Variants in ATF7IP2 observed in about 807,000 individuals in gnomAD.
The protein encoded by ATF7IP2 is activating transcription factor 7 interacting protein 2.
ATF7IP2 carries 42 observed loss-of-function variants against 64.2 expected under a neutral mutation model. The observed-to-expected ratio is 0.65, with a 90% confidence interval of 0.51 to 0.85. The LOEUF is 0.85. Among genes scored for constraint, ATF7IP2 ranks in the 40% least tolerant of loss-of-function variants. The probability of loss-of-function intolerance (pLI) is 0.00; values close to 1 mark genes in which losing one functional copy is unlikely to be tolerated. For missense variants in ATF7IP2, 933 were observed against 784.2 expected (o/e 1.19, Z -2.27); for synonymous variants, 308 against 272.8 (o/e 1.13, Z -1.27).
At chr16:10,386,832 T>A (rs1251814958) in intron 1 of ATF7IP2, 1 of 145,682 alleles carries the variant, frequency 6.9e-6, no homozygotes, top group East Asian at 2.0e-4. Flanking sequence ...GGCAAGCAAG[T>A]TTGAGAAAGA....
intron 9 of ATF7IP2, among the ~76,000 whole-genome samples, chr16:10,462,068 CATTATTCCTTTAGAA>C (rs2049391674): frequency 6.6e-6 from 1 of 151,962 alleles, no homozygotes; most frequent in Non-Finnish European, 1.5e-5. Context: ...TTACCGTTTT[CATTATTCCTTTAGAA>C]GTTATTCTAA....
At chr16:10,408,371 G>A (rs759617874) in intron 1 of ATF7IP2, among the ~76,000 whole-genome samples, 85 of 152,256 alleles carry the variant, frequency 5.6e-4, no homozygotes, top group Non-Finnish European at 9.7e-4. Context: ...TGGGATTGCC[G>A]GGTCAAATGG....
chr16:10,456,828 G>C (rs1876270558), intron 8 of ATF7IP2, among the ~76,000 whole-genome samples: 1 of 152,140 alleles, frequency 6.6e-6, no homozygotes, highest in African/African-American at 2.4e-5. Context: ...TGGGTGCCCA[G>C]CTTCCATGGC....
chr16:10,394,165 A>C (rs989057630), intron 1 of ATF7IP2, among the ~76,000 whole-genome samples: 2 of 152,222 alleles, frequency 1.3e-5, no homozygotes, highest in African/African-American at 4.8e-5. Context: ...TTTGGATTCA[A>C]AGATGCAAAT....
chr16:10,409,926 G>T (rs1001853214), intron 1 of ATF7IP2, among the ~76,000 whole-genome samples: 3 of 152,148 alleles, frequency 2.0e-5, no homozygotes, highest in African/African-American at 4.8e-5. Context: ...CTGTTCCATT[G>T]GTCTTTGTGC....
At chr16:10,411,879 C>T (rs1349879001) in intron 1 of ATF7IP2, among the ~76,000 whole-genome samples, 3 of 147,254 alleles carry the variant, frequency 2.0e-5, no homozygotes, top group Non-Finnish European at 4.5e-5. Flanking sequence ...TATTATCTCC[C>T]ATTTTGTTTC....
chr16:10,473,169 A>G (rs8048898), intron 10 of ATF7IP2, among the ~76,000 whole-genome samples: 47,630 of 152,090 alleles, frequency 0.31, 10,489 homozygotes, highest in African/African-American at 0.62. Context: ...GTAGTCTAAA[A>G]ATACTGTGAA....
chr16:10,390,540 T>C (rs1190320706), intron 1 of ATF7IP2, among the ~76,000 whole-genome samples: 1 of 152,142 alleles, frequency 6.6e-6, no homozygotes, highest in Non-Finnish European at 1.5e-5. Flanking sequence ...CCCACCACTT[T>C]GTGAGGCCAA....
In ATF7IP2 at chr16:10,438,196, G is replaced by A. The variant is rs755842671; in HGVS notation, c.1056G>A (p.Glu352=). The A allele has an allele frequency of 2.5e-6, 4 of 1,604,444 alleles. No homozygotes were observed. In the East Asian group the frequency reaches 6.8e-5, roughly 27 times the overall value. The part of the protein sequence containing the change: ...KELNQRIGKT[E]CRNKHEGIAD... Reference sequence around the variant, plus strand: ...TGAACCAACGCATTGGGAAGACAGAGTGCAGAAATAAGCATGAAGGAATAG... The same window carrying A: ...TGAACCAACGCATTGGGAAGACAGAATGCAGAAATAAGCATGAAGGAATAG... The change falls in exon 7 of 14, where the codon GAG becomes GAA. Residue 352 remains glutamate, a synonymous_variant. Coordinates refer to ENST00000562102, the MANE Select transcript of ATF7IP2 (RefSeq NM_001393719.1).
At chr16:10,478,066 T>A (rs1411676802) in intron 12 of ATF7IP2, among the ~76,000 whole-genome samples, 1 of 151,344 alleles carries the variant, frequency 6.6e-6, no homozygotes, top group Non-Finnish European at 1.5e-5. Flanking sequence ...ATCATGAAAA[T>A]GGACATACTG....
At chr16:10,462,776 T>C (rs746488711) in intron 9 of ATF7IP2, among the ~76,000 whole-genome samples, 30 of 152,160 alleles carry the variant, frequency 2.0e-4, no homozygotes, top group Admixed American at 7.9e-4. Context: ...ACATTATTGC[T>C]TCAGATATTG....
chr16:10,418,704 C>T (rs1342857611), intron 2 of ATF7IP2, among the ~76,000 whole-genome samples: 1 of 152,182 alleles, frequency 6.6e-6, no homozygotes, highest in Admixed American at 6.5e-5. Flanking sequence ...TTTGCAATGT[C>T]CAACGACAAG....
intron 2 of ATF7IP2, among the ~76,000 whole-genome samples, chr16:10,414,879 T>G (rs1424738100): frequency 2.0e-5 from 3 of 152,128 alleles, no homozygotes; most frequent in Admixed American, 2.0e-4. Flanking sequence ...GCTGTAGTGA[T>G]TGTTATCTCT....
chr16:10,425,818 G>C (rs968631987), intron 3 of ATF7IP2, among the ~76,000 whole-genome samples: 1 of 152,004 alleles, frequency 6.6e-6, no homozygotes, highest in Admixed American at 6.6e-5. Flanking sequence ...ACTTGAACCT[G>C]GGAGGCAGAG....
intron 7 of ATF7IP2, among the ~76,000 whole-genome samples, chr16:10,438,505 A>C (rs902637104): frequency 9.9e-5 from 15 of 151,254 alleles, no homozygotes; most frequent in Non-Finnish European, 1.5e-4. Context: ...CTCTAGCCTC[A>C]GCCTCCCAAA....
chr16:10,431,123 G>C lies in ATF7IP2; in HGVS notation c.503G>C (p.Cys168Ser). The change falls in exon 5 of 14, where the codon TGC becomes TCC. Residue 168 changes from cysteine to serine, a missense_variant. By Grantham distance (112) the Cys-to-Ser change is moderately radical. Coordinates refer to ENST00000562102, the MANE Select transcript of ATF7IP2 (RefSeq NM_001393719.1). ...HEGACSLKSS[C>S]CPPSVLSGVV... Reference sequence around the variant, plus strand: ...GGGGCTTGTAGTCTAAAGTCCAGTTGCTGTCCACCCAGTGTATTGAGTGGT... The same window carrying C: ...GGGGCTTGTAGTCTAAAGTCCAGTTCCTGTCCACCCAGTGTATTGAGTGGT... 1.2e-6 allele frequency: 2 copies of C among 1,614,160 alleles called. No individual in the cohort carries two copies. Among genetic ancestry groups the C allele is most frequent in the Non-Finnish European group, 1.7e-6 (2 of 1,180,016 alleles).
intron 1 of ATF7IP2, among the ~76,000 whole-genome samples, chr16:10,397,655 T>G (rs546915014): frequency 6.6e-6 from 1 of 151,638 alleles, no homozygotes; most frequent in South Asian, 2.1e-4. Flanking sequence ...AGCGGGTGAA[T>G]CGTTTGAGCT....
Position 10,481,955 on chromosome 16 carries a change from G to C in ATF7IP2, c.1755G>C (p.Arg585=). The C allele has an allele frequency of 6.2e-7, 1 of 1,614,078 alleles. No homozygotes were observed. The highest frequency in any genetic ancestry group is 8.5e-7 in the Non-Finnish European group (1 of 1,179,998). Reference sequence around the variant, plus strand: ...AGAAGCCTGAGCTCAAAGTGAAACGGGTTTTCAGACCCAATGGCATTGCCC... The same window carrying C: ...AGAAGCCTGAGCTCAAAGTGAAACGCGTTTTCAGACCCAATGGCATTGCCC... ...PPQKPELKVK[R]VFRPNGIALT... The change falls in exon 14 of 14, where the codon CGG becomes CGC. Residue 585 remains arginine (R), a synonymous_variant. Coordinates refer to ENST00000562102, the MANE Select transcript of ATF7IP2 (RefSeq NM_001393719.1).
intron 1 of ATF7IP2, among the ~76,000 whole-genome samples, chr16:10,391,930 G>T (rs1429807592): frequency 6.6e-6 from 1 of 151,608 alleles, no homozygotes; most frequent in Non-Finnish European, 1.5e-5. Context: ...CAGCACTACA[G>T]GTATTACACA....
Sources: gnomAD v4.1 joint callset for allele counts (sites outside exome capture counted in the v4.1 genomes callset) on GRCh38, gnomAD v4.1.1 for gene constraint, MANE v1.5 for transcripts, NCBI Gene and HGNC (gene_info 2026-07-23, HGNC 2026-07-21) for gene names.